CD1B: variants seen among roughly 807,000 people sequenced by gnomAD.
The protein encoded by CD1B is CD1b molecule.
A neutral mutation model predicts 39.8 loss-of-function variants in CD1B; 43 were observed. That is an observed-to-expected ratio of 1.08 (90% CI 0.85 to 1.39). The LOEUF (loss-of-function observed/expected upper bound fraction) is 1.39. CD1B is among the 40% of genes most tolerant of loss of function. CD1B has a pLI of 0.00. For synonymous variants in CD1B, 192 were observed against 152.5 expected (o/e 1.26, Z -1.91); for missense variants, 495 against 403.8 (o/e 1.23, Z -1.94).
the CD1B span, among the ~76,000 whole-genome samples, chr1:158,320,613 C>A: frequency 6.6e-6 from 1 of 152,144 alleles, no homozygotes; most frequent in South Asian, 2.1e-4. Flanking sequence ...AGAAATCACC[C>A]ATCTTCTGCG....
the CD1B span, chr1:158,292,763 G>A: frequency 1.9e-6 from 3 of 1,614,212 alleles, no homozygotes; most frequent in South Asian, 1.1e-5. Flanking sequence ...TAATGCTGAT[G>A]GGACATGGTA....
the CD1B span, among the ~76,000 whole-genome samples, chr1:158,320,740 A>C: frequency 6.6e-6 from 1 of 151,578 alleles, no homozygotes; most frequent in African/African-American, 2.4e-5. Flanking sequence ...GAAATATTGA[A>C]ATTTTCTTTT....
At chr1:158,309,059 A>G in the CD1B span, among the ~76,000 whole-genome samples, 1 of 152,246 alleles carries the variant, frequency 6.6e-6, no homozygotes, top group Admixed American at 6.5e-5. Flanking sequence ...ACAGAATGGG[A>G]GAAAACTTTT....
the CD1B span, among the ~76,000 whole-genome samples, chr1:158,298,488 T>G: frequency 6.6e-6 from 1 of 152,222 alleles, no homozygotes; most frequent in Admixed American, 6.5e-5. Flanking sequence ...TAGGATTGTC[T>G]TGGCAATGTG....
At chr1:158,319,671 T>C in the CD1B span, among the ~76,000 whole-genome samples, 1 of 152,366 alleles carries the variant, frequency 6.6e-6, no homozygotes, top group African/African-American at 2.4e-5. Context: ...CTCGTCAAAG[T>C]CGTTCTCTGT....
the CD1B span, among the ~76,000 whole-genome samples, chr1:158,313,967 G>A: frequency 6.6e-6 from 1 of 151,884 alleles, no homozygotes; most frequent in African/African-American, 2.4e-5. Flanking sequence ...GTTCATAATG[G>A]TCTCTTATGG....
chr1:158,307,677 A>T, the CD1B span, among the ~76,000 whole-genome samples: 7 of 152,218 alleles, frequency 4.6e-5, no homozygotes, highest in Admixed American at 4.6e-4. Context: ...TCGATGCAGA[A>T]ATTCTCAATA....
chr1:158,324,622 GTGA>G (rs941940212), downstream of CD1B, among the ~76,000 whole-genome samples: 10 of 152,168 alleles, frequency 6.6e-5, no homozygotes, highest in African/African-American at 2.2e-4. Flanking sequence ...ATATGAGCTT[GTGA>G]TGATATTTAT....
the CD1B span, among the ~76,000 whole-genome samples, chr1:158,295,154 C>A: frequency 6.6e-6 from 1 of 151,864 alleles, no homozygotes; most frequent in Non-Finnish European, 1.5e-5. Context: ...AGATGGCTGA[C>A]TAGATGCAGC....
At chr1:158,307,324 G>C in the CD1B span, among the ~76,000 whole-genome samples, 1 of 152,066 alleles carries the variant, frequency 6.6e-6, no homozygotes, top group African/African-American at 2.4e-5. Context: ...AAATAAACTA[G>C]AAAGTCTAGA....
chr1:158,286,032 C>A, the CD1B span, among the ~76,000 whole-genome samples: 1 of 151,880 alleles, frequency 6.6e-6, no homozygotes, highest in South Asian at 2.1e-4. Context: ...CTCTCTCTCT[C>A]GGGGTGCAAA....
the CD1B span, among the ~76,000 whole-genome samples, chr1:158,300,981 A>G: frequency 9.9e-4 from 150 of 151,970 alleles, no homozygotes; most frequent in Middle Eastern, 3.4e-3. Flanking sequence ...GATGGTCTCA[A>G]TTGCCTGACT....
At chr1:158,291,755 C>G in the CD1B span, among the ~76,000 whole-genome samples, 15 of 152,104 alleles carry the variant, frequency 9.9e-5, no homozygotes, top group Non-Finnish European at 5.9e-5. Context: ...CCATTATGAC[C>G]AATTTCATGC....
At chr1:158,324,832 C>T (rs1268315697), downstream of CD1B, among the ~76,000 whole-genome samples, 1 of 152,118 alleles carries the variant, frequency 6.6e-6, no homozygotes, top group Non-Finnish European at 1.5e-5. Flanking sequence ...GGAAGTAATA[C>T]AGTCTTGATG....
chr1:158,294,523 T>C, the CD1B span, among the ~76,000 whole-genome samples: 1 of 152,246 alleles, frequency 6.6e-6, no homozygotes, highest in Non-Finnish European at 1.5e-5. Context: ...AAATAGATTT[T>C]ATTGATGTAT....
chr1:158,294,128 A>C, the CD1B span, among the ~76,000 whole-genome samples: 1 of 152,214 alleles, frequency 6.6e-6, no homozygotes, highest in Non-Finnish European at 1.5e-5. Flanking sequence ...AAATGCAAAT[A>C]GACAGAGAGT....
chr1:158,303,514 T>C, the CD1B span, among the ~76,000 whole-genome samples: 1 of 152,182 alleles, frequency 6.6e-6, no homozygotes, highest in Non-Finnish European at 1.5e-5. Context: ...AATCTATACC[T>C]AGAAAACCCC....
the CD1B span, among the ~76,000 whole-genome samples, chr1:158,310,847 A>G: frequency 6.6e-6 from 1 of 152,192 alleles, no homozygotes; most frequent in African/African-American, 2.4e-5. Context: ...AAAAGAGAAT[A>G]CTTACACTCT....
the CD1B span, among the ~76,000 whole-genome samples, chr1:158,319,135 A>T: frequency 8.4e-4 from 127 of 150,592 alleles, no homozygotes; most frequent in African/African-American, 2.8e-3. Flanking sequence ...TCTGACAATT[A>T]TGTGTCTTGG....
Sources: allele counts gnomAD v4.1 joint callset (sites outside exome capture counted in the v4.1 genomes callset), GRCh38; gene constraint gnomAD v4.1.1; transcripts MANE v1.5; gene names NCBI Gene and HGNC (gene_info 2026-07-23, HGNC 2026-07-21).